ZFHX3: variants seen among roughly 807,000 people sequenced by gnomAD.
ZFHX3 encodes zinc finger homeobox 3, also known as zinc finger homeobox protein 3.
Under a neutral mutation model 279.1 loss-of-function variants are expected in ZFHX3, and 42 were observed. That is an observed-to-expected ratio of 0.15 (90% CI 0.12 to 0.19). ZFHX3 has a LOEUF of 0.19. Ranked by LOEUF, ZFHX3 falls within the 10% of genes least tolerant of loss-of-function variation. ZFHX3 has a pLI of 1.00. For synonymous variants in ZFHX3, 2,293 were observed against 1,957.8 expected, an observed-to-expected ratio of 1.17 and a Z score of -4.52; for missense variants, 4,981 against 4,754.0, an observed-to-expected ratio of 1.05 and a Z score of -1.40.
intron 2 of ZFHX3, among the ~76,000 whole-genome samples, chr16:73,573,155 G>A (rs781707925): frequency 1.6e-4 from 25 of 152,160 alleles, no homozygotes; most frequent in Non-Finnish European, 3.1e-4. Flanking sequence ...TGCATTTTAT[G>A]CACTGCTATT....
chr16:73,628,694 T>C (rs2052440708), intron 2 of ZFHX3, among the ~76,000 whole-genome samples: 1 of 152,252 alleles, frequency 6.6e-6, no homozygotes, highest in Non-Finnish European at 1.5e-5. Flanking sequence ...CCAAGTTTCA[T>C]ATTGCATGGT....
At chr16:72,833,839 GT>G (rs1325191190) in intron 4 of ZFHX3, among the ~76,000 whole-genome samples, 6 of 152,264 alleles carry the variant, frequency 3.9e-5, no homozygotes, top group African/African-American at 1.4e-4. Context: ...TCCTGTGTGT[GT>G]TTTCATGTTA....
chr16:73,009,901 A>C, intron 1 of ZFHX3, among the ~76,000 whole-genome samples: 1 of 152,004 alleles, frequency 6.6e-6, no homozygotes, highest in East Asian at 1.9e-4. Context: ...CACGCCTGTA[A>C]TCCCAGCTAT....
At chr16:73,010,159 G>T (rs899150054) in intron 1 of ZFHX3, among the ~76,000 whole-genome samples, 1 of 152,060 alleles carries the variant, frequency 6.6e-6, no homozygotes, top group South Asian at 2.1e-4. Flanking sequence ...CTTTAACAGC[G>T]AAGATGCTGC....
At chr16:73,530,253 T>C (rs825854) in intron 2 of ZFHX3, among the ~76,000 whole-genome samples, 110,388 of 151,904 alleles carry the variant, frequency 0.73, 40,376 homozygotes, top group East Asian at 0.82. Context: ...ATGAGAACAG[T>C]ATGGGGGAAA....
At chr16:73,760,973 C>CCAGGGCTT (rs1475918771) in intron 1 of ZFHX3, among the ~76,000 whole-genome samples, 3 of 146,726 alleles carry the variant, frequency 2.0e-5, no homozygotes, top group South Asian at 2.2e-4. Flanking sequence ...GAAGCTCTGG[C>CCAGGGCTT]CAGGGCAATC....
rs536574053 is a variant in ZFHX3 at position 73,588,739 on chromosome 16, G to A, written c.-1547+91441C>T. On this transcript the variant is annotated intron_variant, in intron 2 of 17. Transcript: ENST00000641206. ...AAAAAAAACAAGAAAACAAGAGAGA[G>A]GAATATAGTCAACACCCCCAAGGAC... Among the ~76,000 whole-genome samples, 99 of 150,544 alleles carry A rather than the reference G, an allele frequency of 6.6e-4. 1 individual carries two copies. The highest frequency in any genetic ancestry group is 2.1e-3 in the African/African-American group (88 of 40,980).
At chr16:72,915,585 CCA>C (rs2039424144) in intron 3 of ZFHX3, among the ~76,000 whole-genome samples, 1 of 150,866 alleles carries the variant, frequency 6.6e-6, no homozygotes, top group Non-Finnish European at 1.5e-5. Context: ...AAGGCAAGAT[CCA>C]GTCTCTACAA....
chr16:72,892,510 GTT>G (rs34325397), intron 3 of ZFHX3, among the ~76,000 whole-genome samples: 9,010 of 142,440 alleles, frequency 0.063, 405 homozygotes, highest in African/African-American at 0.13. Context: ...TTATTTATTG[GTT>G]TTTTTTTTTT....
intron 5 of ZFHX3, among the ~76,000 whole-genome samples, chr16:73,244,534 C>G (rs976353307): frequency 4.6e-5 from 7 of 152,176 alleles, no homozygotes; most frequent in Non-Finnish European, 8.8e-5. Flanking sequence ...TCTTTCCCAG[C>G]TATGGAGGAG....
intron 1 of ZFHX3, chr16:73,015,114 T>C (rs898973005): frequency 9.1e-5 from 13 of 143,076 alleles, no homozygotes; most frequent in African/African-American, 3.4e-4. Context: ...TGGTGCAATC[T>C]CAACTCACTG....
At chr16:73,246,491 G>A (rs761120085) in intron 5 of ZFHX3, among the ~76,000 whole-genome samples, 6 of 152,158 alleles carry the variant, frequency 3.9e-5, no homozygotes, top group Non-Finnish European at 5.9e-5. Context: ...GCCAGCCATC[G>A]AACCCCGAGG....
intron 1 of ZFHX3, among the ~76,000 whole-genome samples, chr16:73,824,149 A>G (rs1397461674): frequency 2.0e-5 from 3 of 152,198 alleles, no homozygotes; most frequent in African/African-American, 7.2e-5. Flanking sequence ...AGGACTTACC[A>G]GAGCCTTTAA....
intron 2 of ZFHX3, among the ~76,000 whole-genome samples, chr16:73,629,376 G>GA (rs1004625143): frequency 1.3e-4 from 20 of 148,230 alleles, no homozygotes; most frequent in East Asian, 2.0e-4. Flanking sequence ...CCTTCTTAGG[G>GA]AAAAAAAAAA....
intron 3 of ZFHX3, among the ~76,000 whole-genome samples, chr16:72,934,285 G>A (rs532171214): frequency 1.2e-4 from 19 of 152,014 alleles, no homozygotes; most frequent in Admixed American, 3.3e-4. Flanking sequence ...AAAGTTAGCC[G>A]GGCCTGGTGG....
intron 2 of ZFHX3, among the ~76,000 whole-genome samples, chr16:73,595,409 C>T (rs894832456): frequency 6.6e-6 from 1 of 152,188 alleles, no homozygotes; most frequent in Admixed American, 6.5e-5. Flanking sequence ...TCAAAAGCAT[C>T]GACAATTCCC....
chr16:72,815,384 G>A (rs2036576428), intron 5 of ZFHX3, among the ~76,000 whole-genome samples: 1 of 151,276 alleles, frequency 6.6e-6, no homozygotes, highest in Non-Finnish European at 1.5e-5. Context: ...CCCCAGCCTG[G>A]GTGACAGAGT....
At chr16:73,510,387 C>T (rs534760265) in intron 2 of ZFHX3, among the ~76,000 whole-genome samples, 1 of 152,136 alleles carries the variant, frequency 6.6e-6, no homozygotes, top group South Asian at 2.1e-4. Context: ...GAATGAGTGC[C>T]CCAACCCTAA....
At chr16:73,051,908 T>G (rs1965457699), upstream of ZFHX3, among the ~76,000 whole-genome samples, 1 of 152,222 alleles carries the variant, frequency 6.6e-6, no homozygotes, top group Non-Finnish European at 1.5e-5. Context: ...CTTACATTTG[T>G]GTTTCTAAAC....
Sources: allele counts gnomAD v4.1 joint callset (sites outside exome capture counted in the v4.1 genomes callset), GRCh38; gene constraint gnomAD v4.1.1; transcripts MANE v1.5; gene names NCBI Gene and HGNC (gene_info 2026-07-23, HGNC 2026-07-21).